CCNJL: variants seen among roughly 807,000 people sequenced by gnomAD.
The protein encoded by CCNJL is cyclin J like.
A neutral mutation model predicts 33.4 loss-of-function variants in CCNJL; 33 were observed. The observed-to-expected ratio is 0.99, with a 90% CI of 0.75 to 1.32. CCNJL has a LOEUF of 1.32. Ranked by LOEUF, CCNJL falls within the 40% of genes most tolerant of loss-of-function variation. The probability of loss-of-function intolerance (pLI) is 0.00; values close to 1 mark genes in which losing one functional copy is unlikely to be tolerated. For synonymous variants in CCNJL, 227 were observed against 220.9 expected (o/e 1.03, Z -0.24); for missense variants, 512 against 499.7 (o/e 1.02, Z -0.23).
At chr5:160,310,610 C>G (rs1763231624) in intron 2 of CCNJL, among the ~76,000 whole-genome samples, 1 of 152,130 alleles carries the variant, frequency 6.6e-6, no homozygotes, top group African/African-American at 2.4e-5. Flanking sequence ...TAGTGTCCCC[C>G]CAAATGTCAT....
chr5:160,288,669 G>C (rs944051775), intron 2 of CCNJL, among the ~76,000 whole-genome samples: 4 of 151,882 alleles, frequency 2.6e-5, no homozygotes, highest in Admixed American at 6.6e-5. Context: ...AGGAGATCGA[G>C]ACCATCCTGG....
intron 3 of CCNJL, among the ~76,000 whole-genome samples, chr5:160,260,920 G>A (rs917831286): frequency 6.6e-6 from 1 of 152,146 alleles, no homozygotes; most frequent in African/African-American, 2.4e-5. Context: ...AGGCCTTCAA[G>A]GGCCTGGCCT....
At chr5:160,272,113 T>C (rs1327909899) in intron 3 of CCNJL, among the ~76,000 whole-genome samples, 4 of 152,214 alleles carry the variant, frequency 2.6e-5, no homozygotes, top group Non-Finnish European at 4.4e-5. Context: ...GTATTTAACT[T>C]CTCCAGGCTA....
rs576163987 is a variant in CCNJL at position 160,333,153 on chromosome 5, C to T, written n.206+6292G>A. Among the ~76,000 whole-genome samples, 22 of 150,384 alleles carry T rather than the reference C, an allele frequency of 1.5e-4. No individual in the cohort carries two copies. In the South Asian group the frequency reaches 4.0e-3, roughly 27 times the overall value. On this transcript the variant is annotated intron_variant and non_coding_transcript_variant, in intron 1 of 7. Coordinates refer to the CCNJL transcript ENST00000377503. Reference sequence around the variant, plus strand: ...TTTTTTTTTTTTTGAGATGGAGTCTCGCTCTGTCGCCCAGGCTGGAGTGCA... The same window carrying T: ...TTTTTTTTTTTTTGAGATGGAGTCTTGCTCTGTCGCCCAGGCTGGAGTGCA...
chr5:160,297,690 A>AAACCCT (rs1302358135), intron 2 of CCNJL, among the ~76,000 whole-genome samples: 1 of 152,058 alleles, frequency 6.6e-6, no homozygotes, highest in Non-Finnish European at 1.5e-5. Context: ...CCGGAGAAAT[A>AAACCCT]AACCCTGAAG....
intron 4 of CCNJL, among the ~76,000 whole-genome samples, chr5:160,259,047 CAAGTTTCAAGT>C (rs926975005): frequency 2.5e-4 from 34 of 137,634 alleles, no homozygotes; most frequent in Admixed American, 4.8e-4. Context: ...GACTGAGTTT[CAAGTTTCAAGT>C]AAGTTTCAAG....
chr5:160,259,400 C>T (rs1443158714), intron 4 of CCNJL, 69 bp downstream of exon 4: 6 of 1,451,224 alleles, frequency 4.1e-6, no homozygotes, highest in African/African-American at 1.4e-5. Flanking sequence ...CCTTTTAGAG[C>T]CGCCTGACCC....
At position 160,251,174 on chromosome 5, in the gene CCNJL, G is replaced by C. The variant is rs762531663; in HGVS notation, c.*2204C>G. 1 of 152,202 alleles carries C rather than the reference G, an allele frequency of 6.6e-6. No homozygotes were observed. Among genetic ancestry groups the C allele is most frequent in the Non-Finnish European group, 1.5e-5 (1 of 68,042 alleles). 9.4% of individuals were successfully genotyped at this position (152,202 alleles called of 1,614,324 possible). On this transcript the variant is annotated 3_prime_UTR_variant, in exon 6 of 6. Coordinates refer to ENST00000257536, the MANE Select transcript of CCNJL (RefSeq NM_001308173.3). ...GGCCTCATCCAACTGGTAAAAGGTC[G>C]TAAGAGCAAAGATTGAGGTTTCCTG...
intron 2 of CCNJL, among the ~76,000 whole-genome samples, chr5:160,299,429 G>A (rs1762854848): frequency 6.6e-6 from 1 of 152,066 alleles, no homozygotes; most frequent in Non-Finnish European, 1.5e-5. Flanking sequence ...TGGGATTATA[G>A]AAGTGAGCCA....
chr5:160,259,868 A>G, intron 3 of CCNJL, 97 bp from the exon 4 acceptor site: 1 of 998,226 alleles, frequency 1.0e-6, no homozygotes, highest in South Asian at 1.5e-5. Flanking sequence ...ATTGCTGGCA[A>G]AGAAGACAGA....
chr5:160,275,314 G>T (rs1030108543), intron 3 of CCNJL, among the ~76,000 whole-genome samples: 8 of 151,982 alleles, frequency 5.3e-5, no homozygotes, highest in African/African-American at 1.9e-4. Context: ...TTGAACTTCT[G>T]ATCTCAAGTG....
chr5:160,281,708 T>C (rs1030174201), intron 2 of CCNJL, among the ~76,000 whole-genome samples: 1 of 152,192 alleles, frequency 6.6e-6, no homozygotes, highest in African/African-American at 2.4e-5. Flanking sequence ...TGGAGAGCAG[T>C]GGTGCAATCA....
intron 2 of CCNJL, among the ~76,000 whole-genome samples, chr5:160,294,472 C>T (rs1246019627): frequency 6.6e-6 from 1 of 152,196 alleles, no homozygotes; most frequent in Non-Finnish European, 1.5e-5. Flanking sequence ...GCTCCAAGCA[C>T]ACCTCCTCAT....
At chr5:160,336,715 G>A (rs1030481139) in intron 1 of CCNJL, among the ~76,000 whole-genome samples, 2 of 152,184 alleles carry the variant, frequency 1.3e-5, no homozygotes, top group Non-Finnish European at 1.5e-5. Context: ...CACAGAGCCT[G>A]CTCCTCCCAC....
chr5:160,327,373 T>C (rs889662938), intron 1 of CCNJL, among the ~76,000 whole-genome samples: 1 of 152,230 alleles, frequency 6.6e-6, no homozygotes. Flanking sequence ...TAGGAAGAGC[T>C]TAACTTAGGA....
chr5:160,259,230 C>G (rs1035588519), intron 4 of CCNJL, among the ~76,000 whole-genome samples: 1 of 152,182 alleles, frequency 6.6e-6, no homozygotes, highest in Admixed American at 6.5e-5. Flanking sequence ...ACCAGTTGAT[C>G]TGTAAGTTTC....
intron 2 of CCNJL, among the ~76,000 whole-genome samples, chr5:160,308,523 C>T (rs938026810): frequency 7.4e-4 from 113 of 152,226 alleles, no homozygotes; most frequent in African/African-American, 2.4e-3. Flanking sequence ...TTTGGGAGGC[C>T]GAGGCTGACG....
At chr5:160,303,782 G>C (rs550865975) in intron 2 of CCNJL, among the ~76,000 whole-genome samples, 1 of 148,484 alleles carries the variant, frequency 6.7e-6, no homozygotes, top group East Asian at 2.1e-4. Context: ...CAGCAGAGTC[G>C]CAGTGTCACC....
chr5:160,329,296 A>G (rs1048032288), intron 1 of CCNJL, among the ~76,000 whole-genome samples: 14 of 152,014 alleles, frequency 9.2e-5, no homozygotes, highest in South Asian at 2.1e-4. Flanking sequence ...AGAGATTCAC[A>G]GCAACCAACC....
Sources: allele counts gnomAD v4.1 joint callset (sites outside exome capture counted in the v4.1 genomes callset), GRCh38; gene constraint gnomAD v4.1.1; transcripts MANE v1.5; gene names NCBI Gene and HGNC (gene_info 2026-07-23, HGNC 2026-07-21).